Variants in MCM9 observed in about 807,000 individuals in gnomAD.
MCM9 encodes minichromosome maintenance 9 homologous recombination repair factor.
Under a neutral mutation model 72.8 loss-of-function variants are expected in MCM9, and 55 were observed. That is an observed-to-expected ratio of 0.76 (90% confidence interval 0.61 to 0.95). MCM9 has a LOEUF of 0.95. Ranked by LOEUF, MCM9 falls within the 40% of genes least tolerant of loss-of-function variation. MCM9 has a pLI of 0.00. For missense variants in MCM9, 1,279 were observed against 1,377.0 expected (o/e 0.93, Z 1.13); for synonymous variants, 480 against 503.4 (o/e 0.95, Z 0.62).
At chr6:118,863,747 C>A (rs1208744920) in intron 8 of MCM9, among the ~76,000 whole-genome samples, 1 of 152,126 alleles carries the variant, frequency 6.6e-6, no homozygotes, top group African/African-American at 2.4e-5. Context: ...CATGTAATGT[C>A]TTCTACCACC....
In MCM9 at chr6:118,885,285, G is replaced by A. The variant is rs541823654; in HGVS notation, c.1150+26365C>T. Among the ~76,000 whole-genome samples, 10 of 151,970 alleles carry A rather than the reference G, an allele frequency of 6.6e-5. No individual in the cohort carries two copies. The South Asian group carries it at 1.5e-3, about 22-fold the overall frequency. ...TCAAATCAGTAATCTAAGCTTCTAC[G>A]TTAAGACACTGGAAAAAAGAAGAGT... On this transcript the variant is annotated intron_variant, in intron 8 of 13. Transcript: ENST00000619706.
At chr6:118,905,742 T>C in intron 8 of MCM9, 1 of 1,613,554 alleles carries the variant, frequency 6.2e-7, no homozygotes, top group Non-Finnish European at 8.5e-7. Context: ...AGGACAAGAA[T>C]TTATTAGAGT....
intron 8 of MCM9, among the ~76,000 whole-genome samples, chr6:118,890,173 C>A (rs1342482913): frequency 6.6e-6 from 1 of 152,144 alleles, no homozygotes; most frequent in Non-Finnish European, 1.5e-5. Flanking sequence ...GAGCTTTGTT[C>A]CTCAAGAGTT....
At chr6:118,842,928 TA>T (rs979163979) in intron 9 of MCM9, among the ~76,000 whole-genome samples, 3 of 151,798 alleles carry the variant, frequency 2.0e-5, no homozygotes, top group African/African-American at 7.3e-5. Context: ...TCCCAAACTT[TA>T]AAAATGTTTC....
At chr6:118,895,970 A>T (rs1779374173) in intron 8 of MCM9, among the ~76,000 whole-genome samples, 1 of 151,944 alleles carries the variant, frequency 6.6e-6, no homozygotes, top group Admixed American at 6.6e-5. Flanking sequence ...TAAAGTTAAC[A>T]GTTCTCTGTA....
intron 13 of MCM9, 65 bp from the exon 14 acceptor site, chr6:118,816,359 T>C (rs1773407988): frequency 1.5e-6 from 2 of 1,359,614 alleles, no homozygotes; most frequent in Non-Finnish European, 9.7e-7. Context: ...AACCTATTCA[T>C]TTCTTTAGTC....
At chr6:118,922,539 T>C (rs549315302) in intron 4 of MCM9, among the ~76,000 whole-genome samples, 18 of 152,208 alleles carry the variant, frequency 1.2e-4, no homozygotes, top group Non-Finnish European at 1.9e-4. Context: ...CCCTTGAACA[T>C]TGAACATAGG....
intron 8 of MCM9, among the ~76,000 whole-genome samples, chr6:118,892,307 A>C (rs934755094): frequency 2.6e-5 from 4 of 152,262 alleles, no homozygotes; most frequent in Non-Finnish European, 5.9e-5. Context: ...GTTAAACAAA[A>C]AATTTTAAAG....
Position 118,856,498 on chromosome 6 carries a change from C to A in MCM9, c.1198G>T (p.Ala400Ser), listed in dbSNP as rs1184771609. Residue 400 changes from alanine to serine, a missense_variant, in exon 9 of 14, where the codon GCT becomes TCT. Physicochemically the swap from Ala to Ser is moderately conservative, Grantham distance 99. Transcript: ENST00000619706. ...GCATCTGCAAGAACTAATGCCCCAG[C>A]CTCCAAATTCCATTCTCCTGAGTCT... ...VKDSGEWNLEAGALVLADAGL... is the reference protein window; with the variant it reads ...VKDSGEWNLESGALVLADAGL... The A allele has an allele frequency of 3.9e-6, 6 of 1,535,688 alleles. No individual in the cohort carries two copies. The Admixed American group carries it at 9.8e-5, about 25-fold the overall frequency.
chr6:118,908,452 C>A (rs1396200545), intron 8 of MCM9: 1 of 151,988 alleles, frequency 6.6e-6, no homozygotes, highest in African/African-American at 2.4e-5. Flanking sequence ...TTTAAAAATT[C>A]TTTTAATAGA....
At chr6:118,894,656 G>T (rs1779222811) in intron 8 of MCM9, 1 of 757,664 alleles carries the variant, frequency 1.3e-6, no homozygotes, top group Non-Finnish European at 2.1e-6. Context: ...AGGGAAACTT[G>T]AAGTTGATGG....
At chr6:118,870,482 G>A (rs1777530060) in intron 8 of MCM9, among the ~76,000 whole-genome samples, 1 of 151,804 alleles carries the variant, frequency 6.6e-6, no homozygotes, top group African/African-American at 2.4e-5. Flanking sequence ...ATGGAATGCA[G>A]CCAAAACAGT....
At position 118,814,950 on chromosome 6, in the gene MCM9, T is replaced by A. The variant is rs1299013726; in HGVS notation, c.3306A>T (p.Lys1102Asn). Residue 1102 changes from lysine (K) to asparagine (N), a missense_variant, in exon 14 of 14, where the codon AAA becomes AAT. Physicochemically the swap from Lys to Asn is moderately conservative, Grantham distance 94. Transcript: ENST00000619706. ...TTAPMRVSKR[K>N]SFQLRGSTEK... is the part of the protein sequence containing the mutation. ...CGGTGGACCCACGGAGCTGAAAAGA[T>A]TTCCTTTTACTGACACGCATTGGAG... is the stretch of plus-strand genomic sequence containing the variant. 1 of 1,550,318 alleles carries A rather than the reference T, an allele frequency of 6.5e-7. No individual in the cohort carries two copies. The highest frequency in any genetic ancestry group is 1.2e-5 in the South Asian group (1 of 84,014).
intron 8 of MCM9, among the ~76,000 whole-genome samples, chr6:118,897,012 A>C (rs1779466757): frequency 6.6e-6 from 1 of 151,846 alleles, no homozygotes; most frequent in Non-Finnish European, 1.5e-5. Context: ...CTAATTTTTT[A>C]ATTTTTTGTA....
chr6:118,828,314 A>G (rs1182453556), intron 10 of MCM9, among the ~76,000 whole-genome samples, 184 bp from the exon 11 acceptor site: 1 of 152,196 alleles, frequency 6.6e-6, no homozygotes, highest in Non-Finnish European at 1.5e-5. Flanking sequence ...TAATAAAGGT[A>G]AGCTTCCTGC....
At chr6:118,844,678 G>T (rs535266970) in intron 9 of MCM9, among the ~76,000 whole-genome samples, 3 of 151,744 alleles carry the variant, frequency 2.0e-5, no homozygotes, top group Admixed American at 6.5e-5. Context: ...AATAGGTACA[G>T]AAGACTAAGT....
chr6:118,922,059 G>A lies in MCM9; in HGVS notation c.649C>T (p.Pro217Ser), dbSNP rs766543550. 6.2e-7 allele frequency: 1 copy of A among 1,612,704 alleles called. No homozygotes were observed. Among genetic ancestry groups the A allele is most frequent in the Non-Finnish European group, 8.5e-7 (1 of 1,179,378 alleles). The change falls in exon 5 of 14, where the codon CCA becomes TCA. Residue 217 changes from proline to serine, a missense_variant. By Grantham distance (74) the Pro-to-Ser change is moderately conservative. Transcript: ENST00000619706. ...QVQRLSVGSIPRSMKVILEDD... is the reference protein window; with the variant it reads ...QVQRLSVGSISRSMKVILEDD... ...TCCAGAATAACCTTCATAGATCGTG[G>A]AATACTTCCAACAGATAGCCTTTGA...
intron 9 of MCM9, among the ~76,000 whole-genome samples, chr6:118,852,237 A>G (rs771948899): frequency 6.6e-6 from 1 of 152,248 alleles, no homozygotes; most frequent in Non-Finnish European, 1.5e-5. Context: ...TATGTGGTCC[A>G]TCACTGGCAA....
intron 8 of MCM9, among the ~76,000 whole-genome samples, chr6:118,906,880 CTTG>C (rs1317940360): frequency 2.0e-5 from 3 of 152,110 alleles, no homozygotes; most frequent in Non-Finnish European, 4.4e-5. Flanking sequence ...ATTTTTCACC[CTTG>C]TTGTACCTTC....
Sources: gnomAD v4.1 joint callset for allele counts (sites outside exome capture counted in the v4.1 genomes callset) on GRCh38, gnomAD v4.1.1 for gene constraint, MANE v1.5 for transcripts, NCBI Gene and HGNC (gene_info 2026-07-23, HGNC 2026-07-21) for gene names.